Variants in KAZN observed in about 807,000 individuals in gnomAD.
The protein encoded by KAZN is kazrin.
Under a neutral mutation model 87.4 loss-of-function variants are expected in KAZN, and 40 were observed. That is an observed-to-expected ratio of 0.46 (90% CI 0.36 to 0.60). The LOEUF (loss-of-function observed/expected upper bound fraction) is 0.60. Among genes scored for constraint, KAZN ranks in the 20% least tolerant of loss-of-function variants. KAZN has a pLI of 0.00. For synonymous variants in KAZN, 466 were observed against 458.3 expected, an observed-to-expected ratio of 1.02 and a Z score of -0.22; for missense variants, 898 against 1,073.9, an observed-to-expected ratio of 0.84 and a Z score of 2.29.
intron 1 of KAZN, among the ~76,000 whole-genome samples, chr1:14,636,840 G>A (rs1251958431): frequency 6.6e-6 from 1 of 152,198 alleles, no homozygotes; most frequent in African/African-American, 2.4e-5. Flanking sequence ...CTTAGGAGGG[G>A]AGAAATAAGA....
At chr1:14,357,953 G>A (rs1659178688) in intron 2 of KAZN, among the ~76,000 whole-genome samples, 1 of 152,190 alleles carries the variant, frequency 6.6e-6, no homozygotes, top group African/African-American at 2.4e-5. Context: ...TAGTTAGGGA[G>A]AAGTCCCTCT....
intron 1 of KAZN, among the ~76,000 whole-genome samples, chr1:14,023,978 G>A (rs756188629): frequency 1.5e-4 from 23 of 152,120 alleles, no homozygotes; most frequent in Admixed American, 5.9e-4. Context: ...GACAGTACAC[G>A]GATCCCGAAC....
chr1:14,653,641 C>G (rs191240112), intron 1 of KAZN, among the ~76,000 whole-genome samples: 22 of 152,312 alleles, frequency 1.4e-4, no homozygotes, highest in African/African-American at 5.3e-4. Flanking sequence ...CACCCGTAGG[C>G]CACATCCCTC....
intron 2 of KAZN, among the ~76,000 whole-genome samples, chr1:15,002,786 C>A (rs1294689791): frequency 2.6e-5 from 4 of 151,796 alleles, no homozygotes; most frequent in Non-Finnish European, 5.9e-5. Context: ...GACCAGCCTA[C>A]CTAAAATGGT....
At chr1:14,265,330 G>A (rs888908924) in intron 2 of KAZN, among the ~76,000 whole-genome samples, 1 of 152,186 alleles carries the variant, frequency 6.6e-6, no homozygotes, top group Non-Finnish European at 1.5e-5. Flanking sequence ...AAACATGATA[G>A]TTTGGTTCTA....
chr1:14,690,046 C>T (rs1324327785), intron 1 of KAZN, among the ~76,000 whole-genome samples: 1 of 152,150 alleles, frequency 6.6e-6, no homozygotes, highest in Non-Finnish European at 1.5e-5. Flanking sequence ...AGAAATCTCC[C>T]TTTATGGCCA....
In KAZN at chr1:14,589,349, AG is replaced by A. The variant is rs201421578; in HGVS notation, c.250-9627del. ...AGGCAGGTAAAAAAAAAAAAAAGGG[AG>A]GGGGGGCAGTCAATTAAGATAAACA... On this transcript the variant is annotated intron_variant, in intron 2 of 16. Transcript: ENST00000636203. Among the ~76,000 whole-genome samples the A allele has an allele frequency of 5.7e-3, 852 of 148,920 alleles. 23 individuals are homozygous for A. The East Asian group carries it at 0.077, about 14-fold the overall frequency.
intron 2 of KAZN, among the ~76,000 whole-genome samples, chr1:14,353,127 T>C (rs756586783): frequency 6.6e-6 from 1 of 152,176 alleles, no homozygotes; most frequent in South Asian, 2.1e-4. Context: ...GCTTCCATCA[T>C]TGGCCAAAGT....
intron 1 of KAZN, among the ~76,000 whole-genome samples, chr1:14,136,758 G>A (rs1321308329): frequency 1.3e-5 from 2 of 152,146 alleles, no homozygotes; most frequent in Non-Finnish European, 1.5e-5. Context: ...TAAACAGAAT[G>A]CTCCAAATTG....
intron 1 of KAZN, among the ~76,000 whole-genome samples, chr1:14,715,316 A>T (rs79456531): frequency 6.6e-6 from 1 of 152,190 alleles, no homozygotes; most frequent in African/African-American, 2.4e-5. Context: ...GCTTGTCTCA[A>T]GGGGCCCCAT....
At chr1:14,527,134 C>T (rs1013630182) in intron 2 of KAZN, among the ~76,000 whole-genome samples, 4 of 152,162 alleles carry the variant, frequency 2.6e-5, no homozygotes, top group Non-Finnish European at 5.9e-5. Context: ...GGGTGGTCCT[C>T]ACTTGGGGTC....
chr1:15,040,888 A>G (rs993026118), intron 3 of KAZN, among the ~76,000 whole-genome samples: 3 of 152,114 alleles, frequency 2.0e-5, no homozygotes, highest in African/African-American at 4.8e-5. Context: ...TGCAGATGGA[A>G]GGGAAACAGG....
In KAZN at chr1:15,056,716, G is replaced by A. The variant is rs1340580885; in HGVS notation, c.916+436G>A. Among the ~76,000 whole-genome samples the A allele has an allele frequency of 6.6e-6, 1 of 152,164 alleles. No individual in the cohort carries two copies. The highest frequency in any genetic ancestry group is 1.5e-5 in the Non-Finnish European group (1 of 68,026). On this transcript the variant is annotated intron_variant, in intron 5 of 14. Transcript: ENST00000376030. The surrounding 1 kb of genome is among the most constrained non-coding windows in gnomAD (Gnocchi z 5.4). ...GAGTCACATGGGCATCCTTTGGCAG[G>A]GGAGGCAGCAGAACTCCTTGATTGA... is the stretch of plus-strand genomic sequence containing the variant.
At chr1:15,039,835 C>A (rs148372048) in intron 3 of KAZN, among the ~76,000 whole-genome samples, 1 of 152,198 alleles carries the variant, frequency 6.6e-6, no homozygotes, top group Admixed American at 6.5e-5. Context: ...TCAATAGAAG[C>A]CTTGTGGCTA....
At chr1:13,964,582 GTC>G (rs1641874437) in intron 1 of KAZN, among the ~76,000 whole-genome samples, 1 of 152,186 alleles carries the variant, frequency 6.6e-6, no homozygotes, top group African/African-American at 2.4e-5. Context: ...TTTAAACGTA[GTC>G]TCTCATGCTC....
intron 1 of KAZN, among the ~76,000 whole-genome samples, chr1:14,076,454 C>T (rs903480356): frequency 1.3e-5 from 2 of 152,174 alleles, no homozygotes; most frequent in Admixed American, 1.3e-4. Flanking sequence ...CATCACATCT[C>T]AGAAAGAACC....
chr1:14,649,086 G>A (rs1681025840), intron 1 of KAZN, among the ~76,000 whole-genome samples: 1 of 152,202 alleles, frequency 6.6e-6, no homozygotes, highest in South Asian at 2.1e-4. Flanking sequence ...TCTCAGCATG[G>A]AAGACCAGAG....
intron 1 of KAZN, among the ~76,000 whole-genome samples, chr1:14,008,324 T>G (rs956830958): frequency 1.3e-5 from 2 of 152,218 alleles, no homozygotes; most frequent in African/African-American, 2.4e-5. Flanking sequence ...GTAGAAGGTA[T>G]GCATTCATAG....
intron 1 of KAZN, among the ~76,000 whole-genome samples, chr1:14,839,515 T>A (rs1339605694): frequency 6.6e-6 from 1 of 152,224 alleles, no homozygotes; most frequent in East Asian, 1.9e-4. Context: ...GCTATTGGTA[T>A]GATTGTTATC....
Sources: gnomAD v4.1 joint callset for allele counts (sites outside exome capture counted in the v4.1 genomes callset) on GRCh38, gnomAD v4.1.1 for gene constraint, Gnocchi (gnomAD v3.1) non-coding constraint, MANE v1.5 for transcripts, NCBI Gene and HGNC (gene_info 2026-07-23, HGNC 2026-07-21) for gene names.